The following AATF variants were observed in gnomAD, a reference collection of about 807,000 sequenced individuals.
AATF encodes apoptosis antagonizing transcription factor.
AATF carries 48 observed loss-of-function variants against 63.7 expected under a neutral mutation model. That is an observed-to-expected ratio of 0.75 (90% CI 0.60 to 0.96). The LOEUF (loss-of-function observed/expected upper bound fraction) is 0.96, where lower values mean the gene tolerates loss of function less well. Among genes scored for constraint, AATF ranks in the 40% least tolerant of loss-of-function variants. AATF has a pLI of 0.00. For missense variants in AATF, 639 were observed against 685.7 expected (o/e 0.93, Z 0.76); for synonymous variants, 258 against 247.7 (o/e 1.04, Z -0.39).
At chr17:37,008,787 A>G (rs867970917) in intron 8 of AATF, among the ~76,000 whole-genome samples, 36 of 152,228 alleles carry the variant, frequency 2.4e-4, no homozygotes, top group Middle Eastern at 6.3e-3. Flanking sequence ...GGTCAGGGGC[A>G]CAGTGAGCTA....
intron 4 of AATF, among the ~76,000 whole-genome samples, chr17:36,973,935 G>A (rs1411531102): frequency 1.3e-5 from 2 of 152,138 alleles, no homozygotes; most frequent in Admixed American, 6.5e-5. Context: ...GCTGGGCGTG[G>A]TGGCATACGC....
chr17:37,014,327 G>C (rs929354055), intron 8 of AATF, among the ~76,000 whole-genome samples: 2 of 150,432 alleles, frequency 1.3e-5, no homozygotes, highest in African/African-American at 5.0e-5. Context: ...ATTTGAGTCT[G>C]GAAGTCATTT....
intron 8 of AATF, among the ~76,000 whole-genome samples, chr17:36,993,013 A>G (rs950300535): frequency 1.3e-5 from 2 of 152,226 alleles, no homozygotes; most frequent in Non-Finnish European, 2.9e-5. Context: ...AACTGCTGCC[A>G]TCCATGCACA....
intron 7 of AATF, 26 bp from the exon 8 acceptor site, chr17:36,990,748 T>C: frequency 6.8e-7 from 1 of 1,477,170 alleles, no homozygotes; most frequent in Non-Finnish European, 9.3e-7. Flanking sequence ...TGGGATTCAC[T>C]CTTTTCTTAC....
intron 10 of AATF, among the ~76,000 whole-genome samples, chr17:37,025,819 A>G (rs981978190): frequency 2.6e-5 from 4 of 152,208 alleles, no homozygotes; most frequent in Admixed American, 2.6e-4. Context: ...CACAGTAATA[A>G]TTTTTGCAGG....
intron 4 of AATF, among the ~76,000 whole-genome samples, chr17:36,961,214 CT>C: frequency 6.6e-6 from 1 of 152,170 alleles, no homozygotes; most frequent in Non-Finnish European, 1.5e-5. Flanking sequence ...GTTAACCAAT[CT>C]GTATTGATGG....
intron 4 of AATF, among the ~76,000 whole-genome samples, chr17:36,980,904 T>A (rs1221398518): frequency 1.3e-5 from 2 of 151,834 alleles, no homozygotes; most frequent in African/African-American, 4.8e-5. Context: ...TAAACTTTTT[T>A]TTTTTTTTTT....
intron 4 of AATF, among the ~76,000 whole-genome samples, chr17:36,986,168 C>T (rs2071167382): frequency 6.6e-6 from 1 of 152,124 alleles, no homozygotes; most frequent in Non-Finnish European, 1.5e-5. Context: ...AGACAAAGTC[C>T]TACTCTTTAG....
intron 11 of AATF, among the ~76,000 whole-genome samples, chr17:37,038,034 C>T (rs1013132421): frequency 5.3e-5 from 8 of 152,302 alleles, no homozygotes; most frequent in African/African-American, 1.9e-4. Context: ...GTTCATGCTT[C>T]CTGTACAGCC....
intron 11 of AATF, chr17:37,054,782 C>T (rs895185986): frequency 3.9e-5 from 6 of 152,236 alleles, no homozygotes; most frequent in Non-Finnish European, 7.3e-5. Flanking sequence ...GGGCTAGCCT[C>T]GCGCCTCTGC....
intron 4 of AATF, among the ~76,000 whole-genome samples, chr17:36,964,757 C>A (rs1053601142): frequency 6.6e-6 from 1 of 151,394 alleles, no homozygotes; most frequent in Non-Finnish European, 1.5e-5. Flanking sequence ...TTTTGCCCCC[C>A]TCCCCCCCAC....
chr17:37,006,063 A>C (rs2071338891), intron 8 of AATF, among the ~76,000 whole-genome samples: 1 of 152,132 alleles, frequency 6.6e-6, no homozygotes, highest in Admixed American at 6.5e-5. Flanking sequence ...TGAGCGCAGG[A>C]CCTCAGGGCT....
At chr17:37,016,711 C>CTT (rs1008895980) in intron 8 of AATF, among the ~76,000 whole-genome samples, 1 of 143,058 alleles carries the variant, frequency 7.0e-6, no homozygotes, top group African/African-American at 2.5e-5. Context: ...TCTCAAATCT[C>CTT]TTTTTTTTTT....
chr17:37,044,604 A>G (rs2071673850), intron 11 of AATF, among the ~76,000 whole-genome samples: 1 of 152,150 alleles, frequency 6.6e-6, no homozygotes, highest in Non-Finnish European at 1.5e-5. Context: ...TTTCTGTGCT[A>G]TTTAAACCAG....
chr17:37,006,007 C>T (rs1041854967), intron 8 of AATF, among the ~76,000 whole-genome samples: 16 of 151,966 alleles, frequency 1.1e-4, no homozygotes, highest in African/African-American at 3.6e-4. Flanking sequence ...TGGTGGCTTG[C>T]GCCTGTGGTC....
At chr17:36,950,508 C>A (rs2142197956) in intron 2 of AATF, 103 bp downstream of exon 2, 2 of 1,204,606 alleles carry the variant, frequency 1.7e-6, no homozygotes, top group South Asian at 3.2e-5. Flanking sequence ...GTCTGCGGAT[C>A]TTTTTTTTGA....
chr17:37,026,760 G>C (rs1251275252), intron 10 of AATF, among the ~76,000 whole-genome samples: 1 of 152,134 alleles, frequency 6.6e-6, no homozygotes, highest in African/African-American at 2.4e-5. Context: ...CTAATCTCTG[G>C]ATCTTGAGTT....
At chr17:37,021,397 G>C (rs867809614) in intron 10 of AATF, among the ~76,000 whole-genome samples, 20 of 152,170 alleles carry the variant, frequency 1.3e-4, no homozygotes, top group African/African-American at 4.8e-4. Context: ...GGGAGGCCGA[G>C]GTGGGCAGAT....
chr17:36,950,935 C>A (rs991927662), intron 2 of AATF, among the ~76,000 whole-genome samples: 3 of 152,202 alleles, frequency 2.0e-5, no homozygotes, highest in Admixed American at 6.5e-5. Flanking sequence ...GTCTGATGAA[C>A]ATGTTATCCT....
Sources: allele counts gnomAD v4.1 joint callset (sites outside exome capture counted in the v4.1 genomes callset), GRCh38; gene constraint gnomAD v4.1.1; transcripts MANE v1.5; gene names NCBI Gene and HGNC (gene_info 2026-07-23, HGNC 2026-07-21).